Variants in RCBTB2 observed in about 807,000 individuals in gnomAD.
RCBTB2 encodes the protein RCC1 and BTB domain containing protein 2, also known as RCC1 and BTB domain-containing protein 2.
A neutral mutation model predicts 65.4 loss-of-function variants in RCBTB2; 55 were observed. The observed-to-expected ratio is 0.84, with a 90% CI of 0.68 to 1.05. The LOEUF (loss-of-function observed/expected upper bound fraction) is 1.05, where lower values mean the gene tolerates loss of function less well. Among genes scored for constraint, RCBTB2 ranks in the 50% least tolerant of loss-of-function variants. RCBTB2 has a pLI of 0.00. For synonymous variants in RCBTB2, 220 were observed against 255.2 expected (o/e 0.86, Z 1.31); for missense variants, 599 against 680.1 (o/e 0.88, Z 1.33).
intron 13 of RCBTB2, among the ~76,000 whole-genome samples, chr13:48,499,166 T>TCA (rs1186154093): frequency 2.7e-5 from 4 of 148,960 alleles, no homozygotes; most frequent in African/African-American, 1.0e-4. Context: ...TCTCTCTCTC[T>TCA]CTCACACACA....
intron 1 of RCBTB2, chr13:48,532,793 G>T (rs1007332076): frequency 1.2e-5 from 4 of 325,996 alleles, no homozygotes; most frequent in African/African-American, 4.6e-5. Flanking sequence ...CCTGGGCTGG[G>T]TGTAGCCCCG....
chr13:48,532,941 G>A (rs1952255596), intron 1 of RCBTB2, 87 bp downstream of exon 1: 2 of 453,080 alleles, frequency 4.4e-6, no homozygotes, highest in Non-Finnish European at 8.9e-6. Flanking sequence ...GCGGGGAGGG[G>A]TGGCCTGCCC....
chr13:48,510,531 A>G lies in RCBTB2; in HGVS notation c.926+98T>C. 4 of 1,320,026 alleles carry G rather than the reference A, an allele frequency of 3.0e-6. No homozygotes were observed. The South Asian group carries it at 4.4e-5, about 14-fold the overall frequency. 81.8% of individuals were successfully genotyped at this position (1,320,026 alleles called of 1,614,324 possible). A position where few individuals can be genotyped will look rare whatever the true frequency, so the allele number is the denominator to read the frequency against. Reference sequence around the variant, plus strand: ...TACTCTTGTTAAATAATATTCTAACACTAGCAGTACATTCCCCACCATTCT... The same window carrying G: ...TACTCTTGTTAAATAATATTCTAACGCTAGCAGTACATTCCCCACCATTCT... On this transcript the variant is annotated intron_variant, in intron 10 of 14. Coordinates refer to ENST00000344532, the MANE Select transcript of RCBTB2 (RefSeq NM_001268.4).
chr13:48,507,856 T>C (rs893217506), intron 10 of RCBTB2, among the ~76,000 whole-genome samples: 1 of 152,262 alleles, frequency 6.6e-6, no homozygotes, highest in African/African-American at 2.4e-5. Flanking sequence ...TTGGTCAATC[T>C]GTCCCCAAGG....
At chr13:48,495,638 C>G (rs1949934861) in intron 14 of RCBTB2, among the ~76,000 whole-genome samples, 1 of 152,178 alleles carries the variant, frequency 6.6e-6, no homozygotes, top group Admixed American at 6.5e-5. Flanking sequence ...GTGCTTAATA[C>G]ATATTATACC....
intron 10 of RCBTB2, 152 bp downstream of exon 10, chr13:48,510,477 T>C (rs1296639375): frequency 2.1e-6 from 2 of 972,738 alleles, no homozygotes; most frequent in East Asian, 2.5e-5. Context: ...CCCCAACAAT[T>C]CCAAAGCCAA....
rs143528188 is a variant in RCBTB2 at position 48,509,145 on chromosome 13, G to A, written c.926+1484C>T. On this transcript the variant is annotated intron_variant, in intron 10 of 14. Coordinates refer to ENST00000344532, the MANE Select transcript of RCBTB2 (RefSeq NM_001268.4). ...CAGGAGCTACCAGCCTGGGCAATGT[G>A]GCAAAACCCTGGCCCTGCAAAAAAC... Among the ~76,000 whole-genome samples, 36 of 152,178 alleles carry A rather than the reference G, an allele frequency of 2.4e-4. No individual in the cohort carries two copies. The East Asian group carries it at 6.6e-3, about 28-fold the overall frequency.
intron 11 of RCBTB2, 59 bp downstream of exon 11, chr13:48,502,665 G>A: frequency 1.3e-6 from 2 of 1,505,278 alleles, no homozygotes; most frequent in Non-Finnish European, 1.8e-6. Context: ...TCAAAGTAAA[G>A]CCCTGAGCTC....
Position 48,499,653 on chromosome 13 carries a change from T to C in RCBTB2, c.1352A>G (p.Asp451Gly), listed in dbSNP as rs752656426. The C allele has an allele frequency of 1.2e-6, 2 of 1,614,176 alleles. No homozygotes were observed. The highest frequency in any genetic ancestry group is 1.3e-5 in the African/African-American group (1 of 75,056). The change falls in exon 13 of 15, where the codon GAC becomes GGC. Residue 451 changes from aspartate (D) to glycine (G), a missense_variant. Asp to Gly is a moderately conservative substitution (Grantham distance 94). Coordinates refer to ENST00000344532, the MANE Select transcript of RCBTB2 (RefSeq NM_001268.4). ...YRAFLEYLYT[D>G]SISLSPEEAV... ...CTCCTCAGGAGAAAGGCTGATGCTG[T>C]CTGTGTATAGGTATTCCAGGAAGGC...
At chr13:48,526,619 A>C (rs936934467) in intron 1 of RCBTB2, among the ~76,000 whole-genome samples, 4 of 152,196 alleles carry the variant, frequency 2.6e-5, no homozygotes, top group African/African-American at 9.6e-5. Context: ...TCTGTCTCTA[A>C]GAAAATAAAA....
At chr13:48,521,668 T>A (rs1028604313) in intron 4 of RCBTB2, among the ~76,000 whole-genome samples, 3 of 152,222 alleles carry the variant, frequency 2.0e-5, no homozygotes, top group African/African-American at 7.2e-5. Flanking sequence ...ACTGTCACCA[T>A]CGCTGGGAGC....
intron 6 of RCBTB2, among the ~76,000 whole-genome samples, chr13:48,514,994 A>C (rs1388513610): frequency 6.6e-6 from 1 of 152,236 alleles, no homozygotes; most frequent in Non-Finnish European, 1.5e-5. Flanking sequence ...CTGGGCTTAC[A>C]GCGTTGTCAT....
Position 48,510,640 on chromosome 13 carries a change from C to T in RCBTB2, c.915G>A (p.Val305=), listed in dbSNP as rs1950730947. 1 of 1,613,880 alleles carries T rather than the reference C, an allele frequency of 6.2e-7. No individual in the cohort carries two copies. The highest frequency in any genetic ancestry group is 1.7e-5 in the Admixed American group (1 of 60,000). Residue 305 remains valine (V), a synonymous_variant, in exon 10 of 15, where the codon GTG becomes GTA. Transcript: ENST00000344532. ...SNQSYPTPVT[V]EKDRIIEIAA... ...AATGCCCGTGTTACCTGTCCTTTTC[C>T]ACAGTGACAGGAGTAGGATAGGACT...
At chr13:48,523,232 C>G (rs756453961) in intron 2 of RCBTB2, among the ~76,000 whole-genome samples, 1 of 152,216 alleles carries the variant, frequency 6.6e-6, no homozygotes, top group African/African-American at 2.4e-5. Context: ...CTAATTTTCT[C>G]TAAGACCCAG....
intron 10 of RCBTB2, 126 bp downstream of exon 10, chr13:48,510,503 A>C (rs1950721789): frequency 5.1e-6 from 6 of 1,168,418 alleles, no homozygotes; most frequent in Non-Finnish European, 6.0e-6. Flanking sequence ...CTAAAGGAAT[A>C]AATACTCTTG....
chr13:48,522,004 C>T (rs933665180), intron 3 of RCBTB2, 42 bp from the exon 4 acceptor site: 48 of 1,543,092 alleles, frequency 3.1e-5, no homozygotes, highest in Non-Finnish European at 3.8e-5. Flanking sequence ...CCCTTATGTT[C>T]GATGGAACCA....
At chr13:48,493,319 T>TCACC (rs1949815455) in intron 14 of RCBTB2, among the ~76,000 whole-genome samples, 4 of 109,770 alleles carry the variant, frequency 3.6e-5, no homozygotes, top group Admixed American at 8.5e-5. Flanking sequence ...ACACACACTC[T>TCACC]CTCTCTCTCT....
chr13:48,531,786 C>T (rs2138677577), intron 1 of RCBTB2, among the ~76,000 whole-genome samples: 1 of 152,322 alleles, frequency 6.6e-6, no homozygotes, highest in South Asian at 2.1e-4. Context: ...TTCCAGCCCC[C>T]AAATATCTGT....
chr13:48,500,884 G>A (rs1159800934), intron 12 of RCBTB2, among the ~76,000 whole-genome samples: 1 of 152,206 alleles, frequency 6.6e-6, no homozygotes, highest in Admixed American at 6.5e-5. Context: ...AGCAAACGCT[G>A]CACAGCTTGA....
Sources: gnomAD v4.1 joint callset for allele counts (sites outside exome capture counted in the v4.1 genomes callset) on GRCh38, gnomAD v4.1.1 for gene constraint, MANE v1.5 for transcripts, NCBI Gene and HGNC (gene_info 2026-07-23, HGNC 2026-07-21) for gene names.